The following PRPSAP1 variants were observed in gnomAD, a reference collection of about 807,000 sequenced individuals.
PRPSAP1 encodes the protein phosphoribosyl pyrophosphate synthase-associated protein 1.
In PRPSAP1, 31 loss-of-function variants were observed where a neutral mutation model predicts 39.4. That is an observed-to-expected ratio of 0.79 (90% CI 0.59 to 1.06). The LOEUF is 1.06. Among genes scored for constraint, PRPSAP1 ranks in the 50% least tolerant of loss-of-function variants. The pLI, the probability that PRPSAP1 is intolerant of heterozygous loss-of-function variation, is 0.00. For synonymous variants in PRPSAP1, 212 were observed against 192.6 expected, an observed-to-expected ratio of 1.10 and a Z score of -0.83; for missense variants, 430 against 511.6, an observed-to-expected ratio of 0.84 and a Z score of 1.54.
chr17:76,329,288 C>A (rs1163606682), intron 6 of PRPSAP1, among the ~76,000 whole-genome samples: 1 of 152,088 alleles, frequency 6.6e-6, no homozygotes, highest in Non-Finnish European at 1.5e-5. Flanking sequence ...TGGTCTTGAA[C>A]CCCTGGGCTC....
Position 76,348,551 on chromosome 17 carries a change from A to G in PRPSAP1, c.201T>C (p.Val67=). 1 of 1,527,376 alleles carries G rather than the reference A, an allele frequency of 6.5e-7. No homozygotes were observed. Among genetic ancestry groups the G allele is most frequent in the Non-Finnish European group, 8.7e-7 (1 of 1,148,098 alleles). The allele number at this position is 1,527,376 out of a possible 1,614,324, so 94.6% of individuals were successfully genotyped here. A position where few individuals can be genotyped will look rare whatever the true frequency, so the allele number is the denominator to read the frequency against. ...ERLGAELGKS[V]VYQETNGETR... is the part of the protein sequence containing the mutation. ...TACCTCCATTGGTCTCTTGATATAC[A>G]ACAGACTTCCCCAATTCAGCACCAA... The change falls in exon 2 of 10, where the codon GTT becomes GTC. Residue 67 remains valine (V), a synonymous_variant. Transcript: ENST00000446526.
At chr17:76,345,951 C>A in intron 2 of PRPSAP1, 1 of 462,794 alleles carries the variant, frequency 2.2e-6, no homozygotes, top group Non-Finnish European at 4.3e-6. Flanking sequence ...CCTCCAAAGC[C>A]AGAGCCCAGG....
chr17:76,311,338 G>T lies in PRPSAP1; in HGVS notation c.*204C>A. 1 of 510,868 alleles carries T rather than the reference G, an allele frequency of 2.0e-6. No individual in the cohort carries two copies. The allele number at this position is 510,868 out of a possible 1,614,324, so 31.6% of individuals were successfully genotyped here. A position where few individuals can be genotyped will look rare whatever the true frequency, so the allele number is the denominator to read the frequency against. On this transcript the variant is annotated 3_prime_UTR_variant, in exon 10 of 10. Transcript: ENST00000446526. ...GAACAGGGCTGATGACAGCAGACAT[G>T]TAAGGCCATGTTATGATATTTATCC...
chr17:76,329,984 G>A, intron 6 of PRPSAP1, 59 bp downstream of exon 6: 1 of 1,516,344 alleles, frequency 6.6e-7, no homozygotes, highest in Non-Finnish European at 9.1e-7. Context: ...TTCCAAAGCA[G>A]CTCATTCTGA....
chr17:76,349,194 C>T (rs2071542096), intron 1 of PRPSAP1, among the ~76,000 whole-genome samples: 1 of 151,638 alleles, frequency 6.6e-6, no homozygotes, highest in South Asian at 2.1e-4. Context: ...ATCTCAGCTA[C>T]TAGGGAGGCT....
At chr17:76,352,513 CGG>C (rs1285403133) in intron 1 of PRPSAP1, among the ~76,000 whole-genome samples, 1 of 151,790 alleles carries the variant, frequency 6.6e-6, no homozygotes, top group Non-Finnish European at 1.5e-5. Flanking sequence ...GGTGTGGTGG[CGG>C]GTGCCTGTAG....
Position 76,351,205 on chromosome 17 carries a change from C to T in PRPSAP1, c.170+2329G>A, listed in dbSNP as rs1414946788. ...CTGGCCAACGTGGTGAAACCCATCTCTACTAAAAATACAAAAACTAGCCAG... is the reference window on the plus strand; with the variant it reads ...CTGGCCAACGTGGTGAAACCCATCTTTACTAAAAATACAAAAACTAGCCAG... On this transcript the variant is annotated intron_variant, in intron 1 of 9. Transcript: ENST00000446526. Among the ~76,000 whole-genome samples, 5 of 151,808 alleles carry T rather than the reference C, an allele frequency of 3.3e-5. No individual in the cohort carries two copies. In the South Asian group the frequency reaches 1.0e-3, roughly 32 times the overall value.
Position 76,353,683 on chromosome 17 carries a change from C to G in PRPSAP1, c.21G>C (p.Leu7=). The change falls in exon 1 of 10, where the codon CTG becomes CTC. Residue 7 remains leucine, a synonymous_variant. Coordinates refer to ENST00000446526, the MANE Select transcript of PRPSAP1 (RefSeq NM_002766.3). MPKKLL[L]LPPPSASSAF... Reference sequence around the variant, plus strand: ...CCGAGGACGCGGAGGGCGGGGGCAACAGCAGCAGCTTCTTGGGCATCGTCC... The same window carrying G: ...CCGAGGACGCGGAGGGCGGGGGCAAGAGCAGCAGCTTCTTGGGCATCGTCC... The G allele has an allele frequency of 6.6e-7, 1 of 1,508,270 alleles. No individual in the cohort carries two copies. Among genetic ancestry groups the G allele is most frequent in the Non-Finnish European group, 8.8e-7 (1 of 1,133,692 alleles). 93.4% of individuals were successfully genotyped at this position (1,508,270 alleles called of 1,614,324 possible).
At chr17:76,330,755 C>T in intron 4 of PRPSAP1, 89 bp from the exon 5 acceptor site, 1 of 733,742 alleles carries the variant, frequency 1.4e-6, no homozygotes, top group Non-Finnish European at 2.2e-6. Context: ...CTCCTGCTTC[C>T]TACCAGCAGA....
intron 7 of PRPSAP1, among the ~76,000 whole-genome samples, chr17:76,320,115 C>T (rs2071173274): frequency 6.6e-6 from 1 of 151,774 alleles, no homozygotes; most frequent in African/African-American, 2.4e-5. Context: ...ACTAAAAAAG[C>T]AAAAATTAGC....
intron 1 of PRPSAP1, among the ~76,000 whole-genome samples, chr17:76,351,837 C>T (rs1248331473): frequency 6.6e-6 from 1 of 152,024 alleles, no homozygotes; most frequent in Non-Finnish European, 1.5e-5. Flanking sequence ...AAAAAAAACC[C>T]TCACTGACTT....
At chr17:76,341,102 T>G (rs757739246) in intron 3 of PRPSAP1, among the ~76,000 whole-genome samples, 4 of 152,104 alleles carry the variant, frequency 2.6e-5, no homozygotes, top group Non-Finnish European at 5.9e-5. Context: ...AGAGCACAGC[T>G]GCTCATGTGC....
At position 76,310,471 on chromosome 17, in the gene PRPSAP1, GTT is replaced by G. The variant is rs35037723; in HGVS notation, c.*1069_*1070del. ...AGGCATAAGACACGATCCCTGGCCT[GTT>G]TTTTTTTTTTGAGACAGGGTGTTGC... On this transcript the variant is annotated 3_prime_UTR_variant, in exon 10 of 10. Transcript: ENST00000446526. 2 of 145,810 alleles carry G rather than the reference GTT, an allele frequency of 1.4e-5. No individual in the cohort carries two copies. The highest frequency in any genetic ancestry group is 2.5e-5 in the African/African-American group (1 of 39,962). 9.0% of individuals were successfully genotyped at this position (145,810 alleles called of 1,614,324 possible). A position where few individuals can be genotyped will look rare whatever the true frequency, so the allele number is the denominator to read the frequency against.
Position 76,311,378 on chromosome 17 carries a change from C to T in PRPSAP1, c.*164G>A. 1 of 695,746 alleles carries T rather than the reference C, an allele frequency of 1.4e-6. No homozygotes were observed. Among genetic ancestry groups the T allele is most frequent in the Non-Finnish European group, 2.3e-6 (1 of 442,234 alleles). 43.1% of individuals were successfully genotyped at this position (695,746 alleles called of 1,614,324 possible). On this transcript the variant is annotated 3_prime_UTR_variant, in exon 10 of 10. Transcript: ENST00000446526. ...GATATTTATCCATTAGCTCTGTCTT[C>T]TTCCTGACTCTTTTAATCCCTCCTC...
rs763659737 is a variant in PRPSAP1 at position 76,312,992 on chromosome 17, T to G, written c.877A>C (p.Ser293Arg). The G allele has an allele frequency of 5.0e-6, 8 of 1,613,486 alleles. No individual in the cohort carries two copies. Among genetic ancestry groups the G allele is most frequent in the Non-Finnish European group, 5.9e-6 (7 of 1,179,932 alleles). Reference protein sequence around the residue: ...IVDDIIDDVESFVAAAEILKE... With the variant: ...IVDDIIDDVERFVAAAEILKE... ...AGGATCTCCGCGGCAGCAACAAAACTCTCCACATCGTCAATAATGTCATCC... is the reference window on the plus strand; with the variant it reads ...AGGATCTCCGCGGCAGCAACAAAACGCTCCACATCGTCAATAATGTCATCC... The change falls in exon 9 of 10, where the codon AGT becomes CGT. Residue 293 changes from serine to arginine, a missense_variant. Around this residue, in one of 2 missense-constraint regions of PRPSAP1, gnomAD observed 278 missense variants for 376.3 expected, o/e 0.74. Transcript: ENST00000446526.
At chr17:76,342,018 A>G (rs567683652) in intron 3 of PRPSAP1, among the ~76,000 whole-genome samples, 14 of 152,196 alleles carry the variant, frequency 9.2e-5, no homozygotes, top group Admixed American at 2.6e-4. Context: ...TACAAAACCA[A>G]AACTGTTGGA....
At chr17:76,338,693 A>T (rs1270524942) in intron 3 of PRPSAP1, among the ~76,000 whole-genome samples, 1 of 151,526 alleles carries the variant, frequency 6.6e-6, no homozygotes, top group Non-Finnish European at 1.5e-5. Flanking sequence ...ACACAGCAAG[A>T]CTCCGTCTCA....
intron 3 of PRPSAP1, among the ~76,000 whole-genome samples, chr17:76,333,446 C>A (rs925327193): frequency 6.6e-6 from 1 of 151,910 alleles, no homozygotes; most frequent in African/African-American, 2.4e-5. Flanking sequence ...GGAGGCTGGA[C>A]GCAGCCCAGC....
intron 7 of PRPSAP1, among the ~76,000 whole-genome samples, chr17:76,325,363 C>T (rs185976078): frequency 0.012 from 1,384 of 115,334 alleles, 26 homozygotes; most frequent in African/African-American, 0.042. Context: ...GAGCTGAGAT[C>T]GCGCCACTGC....
Sources: gnomAD v4.1 joint callset for allele counts (sites outside exome capture counted in the v4.1 genomes callset) on GRCh38, gnomAD v4.1.1 for gene constraint, gnomAD v4.1.1 regional missense constraint, MANE v1.5 for transcripts, NCBI Gene and HGNC (gene_info 2026-07-23, HGNC 2026-07-21) for gene names.